PKHD1L1: variants seen among roughly 807,000 people sequenced by gnomAD.
The protein encoded by PKHD1L1 is fibrocystin-L.
A neutral mutation model predicts 462.9 loss-of-function variants in PKHD1L1; 434 were observed. That is an observed-to-expected ratio of 0.94 (90% CI 0.87 to 1.02). The LOEUF is 1.02. PKHD1L1 is among the 50% of genes least tolerant of loss of function. The probability of loss-of-function intolerance (pLI) is 0.00; values close to 1 mark genes in which losing one functional copy is unlikely to be tolerated. For synonymous variants in PKHD1L1, 1,781 were observed against 1,750.0 expected, an observed-to-expected ratio of 1.02 and a Z score of -0.44; for missense variants, 5,202 against 5,096.1, an observed-to-expected ratio of 1.02 and a Z score of -0.63.
intron 29 of PKHD1L1, among the ~76,000 whole-genome samples, 160 bp from the exon 30 acceptor site, chr8:109,436,178 A>T (rs956379514): frequency 6.6e-6 from 1 of 152,186 alleles, no homozygotes; most frequent in Non-Finnish European, 1.5e-5. Context: ...TGTGGTGGGG[A>T]TTGCATTCAT....
intron 21 of PKHD1L1, among the ~76,000 whole-genome samples, chr8:109,415,377 T>C (rs1386212785): frequency 1.3e-5 from 2 of 152,142 alleles, no homozygotes; most frequent in Admixed American, 1.3e-4. Context: ...ACTCTAAAAA[T>C]TGTTGACATA....
At chr8:109,423,866 T>C (rs779005504) in intron 23 of PKHD1L1, among the ~76,000 whole-genome samples, 3 of 152,222 alleles carry the variant, frequency 2.0e-5, no homozygotes, top group Non-Finnish European at 1.5e-5. Context: ...GTCTAGTACA[T>C]GTTTTGTGAG....
At chr8:109,386,274 G>A (rs1012906729) in intron 6 of PKHD1L1, among the ~76,000 whole-genome samples, 1 of 152,098 alleles carries the variant, frequency 6.6e-6, no homozygotes, top group Non-Finnish European at 1.5e-5. Flanking sequence ...TAGCATAGAT[G>A]GTGTTATTTC....
chr8:109,511,485 AT>A (rs1163608481), intron 71 of PKHD1L1, among the ~76,000 whole-genome samples: 1 of 151,004 alleles, frequency 6.6e-6, no homozygotes, highest in Non-Finnish European at 1.5e-5. Flanking sequence ...GAGAATGATG[AT>A]TTCCAATTTC....
intron 9 of PKHD1L1, among the ~76,000 whole-genome samples, chr8:109,393,209 A>T (rs1012638864): frequency 6.6e-6 from 1 of 151,342 alleles, no homozygotes; most frequent in African/African-American, 2.4e-5. Context: ...ATTTCCAGAG[A>T]CTCTTTAGTC....
At chr8:109,461,938 G>A in intron 48 of PKHD1L1, 30 bp downstream of exon 48, 1 of 1,574,526 alleles carries the variant, frequency 6.4e-7, no homozygotes, top group South Asian at 1.2e-5. Context: ...AATCACAGTG[G>A]TTTGCTCAAG....
chr8:109,394,514 G>T, intron 10 of PKHD1L1, 29 bp downstream of exon 10: 2 of 1,386,134 alleles, frequency 1.4e-6, no homozygotes, highest in Non-Finnish European at 1.9e-6. Context: ...ACTCTGTTGC[G>T]GGGGTGGTGG....
At chr8:109,470,103 T>C (rs1225062610) in intron 50 of PKHD1L1, 1 of 457,098 alleles carries the variant, frequency 2.2e-6, no homozygotes, top group African/African-American at 2.0e-5. Context: ...AAGTAAATTA[T>C]TTTAAATATA....
chr8:109,401,547 A>C lies in PKHD1L1; in HGVS notation c.1332A>C (p.Pro444=). Residue 444 remains proline, a synonymous_variant, in exon 14 of 78, where the codon CCA becomes CCC. Transcript: ENST00000378402. ...ATGCCAACAGTTATTTTTCCAGTCC[A>C]ACACAAAGATCAGATGATATTCATC... ...SANANSYFSS[P]TQRSDDIHLQ... The C allele has an allele frequency of 6.3e-7, 1 of 1,594,486 alleles. No individual in the cohort carries two copies. Among genetic ancestry groups the C allele is most frequent in the Non-Finnish European group, 8.6e-7 (1 of 1,163,884 alleles).
chr8:109,447,368 CTT>C (rs997701914), intron 38 of PKHD1L1, among the ~76,000 whole-genome samples: 3 of 152,162 alleles, frequency 2.0e-5, no homozygotes, highest in African/African-American at 7.2e-5. Context: ...ACTATTATCA[CTT>C]GAATTAAAAT....
At chr8:109,412,182 C>A in intron 19 of PKHD1L1, 83 bp from the exon 20 acceptor site, 2 of 1,426,576 alleles carry the variant, frequency 1.4e-6, no homozygotes, top group African/African-American at 1.4e-5. Flanking sequence ...CTGGGTTGAA[C>A]CTTGAGTGGT....
At chr8:109,448,455 T>G in intron 39 of PKHD1L1, 64 bp downstream of exon 39, 1 of 1,438,134 alleles carries the variant, frequency 7.0e-7, no homozygotes, top group Non-Finnish European at 9.2e-7. Context: ...TTAGAAACCT[T>G]ATTTAGAAAA....
At chr8:109,431,268 A>G (rs990622986) in intron 27 of PKHD1L1, among the ~76,000 whole-genome samples, 10 of 152,296 alleles carry the variant, frequency 6.6e-5, no homozygotes, top group African/African-American at 2.4e-4. Context: ...CCACATTTGG[A>G]TCATTTTTAA....
Position 109,470,868 on chromosome 8 carries a change from C to T in PKHD1L1, c.8605+4099C>T, listed in dbSNP as rs1024843733. ...TAAGTTCTTTAGCAGGAAAGAAGATCCTGAAATGCTAGAAACTGAGCCAGT... is the reference window on the plus strand; with the variant it reads ...TAAGTTCTTTAGCAGGAAAGAAGATTCTGAAATGCTAGAAACTGAGCCAGT... On this transcript the variant is annotated intron_variant, in intron 50 of 77. Coordinates refer to ENST00000378402, the MANE Select transcript of PKHD1L1 (RefSeq NM_177531.6). 6.6e-6 allele frequency: 10 copies of T among 1,521,556 alleles called. No homozygotes were observed. The African/African-American group carries it at 1.2e-4, about 19-fold the overall frequency. 94.3% of individuals were successfully genotyped at this position (1,521,556 alleles called of 1,614,324 possible). A position where few individuals can be genotyped will look rare whatever the true frequency, so the allele number is the denominator to read the frequency against.
intron 62 of PKHD1L1, 68 bp from the exon 63 acceptor site, chr8:109,493,593 C>T (rs992026703): frequency 1.4e-4 from 142 of 1,011,616 alleles, no homozygotes; most frequent in Non-Finnish European, 1.9e-4. Context: ...TTGTCATATA[C>T]TTACTCTCGA....
intron 2 of PKHD1L1, among the ~76,000 whole-genome samples, chr8:109,370,217 C>A (rs1250801119): frequency 2.0e-5 from 3 of 152,084 alleles, no homozygotes; most frequent in African/African-American, 7.2e-5. Flanking sequence ...CTCCCAGGTT[C>A]AAGTGATTCT....
chr8:109,433,786 AT>A (rs1291919635), intron 28 of PKHD1L1, among the ~76,000 whole-genome samples: 2 of 152,216 alleles, frequency 1.3e-5, no homozygotes, highest in African/African-American at 2.4e-5. Context: ...ACATAAGTAA[AT>A]TCATTTACCA....
intron 43 of PKHD1L1, among the ~76,000 whole-genome samples, chr8:109,453,845 G>A (rs890881117): frequency 2.6e-5 from 4 of 152,100 alleles, no homozygotes; most frequent in Non-Finnish European, 4.4e-5. Flanking sequence ...GAGGTGCTGT[G>A]TTTGTACAAC....
intron 19 of PKHD1L1, among the ~76,000 whole-genome samples, chr8:109,410,351 T>C (rs1293040666): frequency 6.6e-6 from 1 of 152,124 alleles, no homozygotes; most frequent in African/African-American, 2.4e-5. Context: ...CACAGTTCTG[T>C]AGGCTGTACA....
Sources: allele counts gnomAD v4.1 joint callset (sites outside exome capture counted in the v4.1 genomes callset), GRCh38; gene constraint gnomAD v4.1.1; transcripts MANE v1.5; gene names NCBI Gene and HGNC (gene_info 2026-07-23, HGNC 2026-07-21).